Variants in CAMK1D observed in about 807,000 individuals in gnomAD.
CAMK1D encodes calcium/calmodulin dependent protein kinase ID, also known as calcium/calmodulin-dependent protein kinase type 1D.
A neutral mutation model predicts 47.7 loss-of-function variants in CAMK1D; 9 were observed. The ratio of observed to expected loss-of-function variants is 0.19; its 90% CI spans 0.11 to 0.33. The LOEUF (loss-of-function observed/expected upper bound fraction) is 0.33, where lower values mean the gene tolerates loss of function less well. Among genes scored for constraint, CAMK1D ranks in the 10% least tolerant of loss-of-function variants. CAMK1D has a pLI of 1.00. For missense variants in CAMK1D, 291 were observed against 488.7 expected (o/e 0.60, Z 3.81); for synonymous variants, 184 against 184.9 (o/e 0.99, Z 0.04).
chr10:12,774,273 G>C (rs1393551599), intron 5 of CAMK1D, among the ~76,000 whole-genome samples: 3 of 148,170 alleles, frequency 2.0e-5, no homozygotes, highest in African/African-American at 7.4e-5. Context: ...TCAGAGGGTG[G>C]TGGCAATTTT....
intron 3 of CAMK1D, among the ~76,000 whole-genome samples, chr10:12,758,591 C>T (rs533450216): frequency 2.0e-5 from 3 of 152,352 alleles, no homozygotes; most frequent in East Asian, 3.9e-4. Flanking sequence ...CACTGCATTG[C>T]TGCCCTATGG....
intron 4 of CAMK1D, among the ~76,000 whole-genome samples, chr10:12,765,172 A>G (rs1301544978): frequency 1.3e-5 from 2 of 152,150 alleles, no homozygotes; most frequent in East Asian, 3.9e-4. Flanking sequence ...CACAAAATTA[A>G]TGTCACAGTG....
intron 1 of CAMK1D, among the ~76,000 whole-genome samples, chr10:12,423,271 T>G (rs1840119370): frequency 1.3e-5 from 2 of 152,038 alleles, no homozygotes; most frequent in Admixed American, 1.3e-4. Flanking sequence ...TCCAGCACTT[T>G]GAGAGGTCAA....
At chr10:12,703,449 A>C (rs1177018806) in intron 3 of CAMK1D, among the ~76,000 whole-genome samples, 1 of 152,244 alleles carries the variant, frequency 6.6e-6, no homozygotes, top group Non-Finnish European at 1.5e-5. Flanking sequence ...CTCCTGGTGA[A>C]CTAGGTCAAC....
At chr10:12,611,773 A>G (rs982306187) in intron 2 of CAMK1D, among the ~76,000 whole-genome samples, 1 of 151,414 alleles carries the variant, frequency 6.6e-6, no homozygotes, top group African/African-American at 2.4e-5. Flanking sequence ...TTGTATTTTT[A>G]GTAGAGATAG....
At position 12,745,860 on chromosome 10, in the gene CAMK1D, C is replaced by G. The variant is rs532626983; in HGVS notation, c.300-15088C>G. On this transcript the variant is annotated intron_variant, in intron 3 of 10. Transcript: ENST00000619168. Reference sequence around the variant, plus strand: ...CTCAGCTGATCCATGCGCTTCGGCCCCCCAAAGTGCTGGGATTACAGGCAT... The same window carrying G: ...CTCAGCTGATCCATGCGCTTCGGCCGCCCAAAGTGCTGGGATTACAGGCAT... Among the ~76,000 whole-genome samples the G allele has an allele frequency of 3.3e-3, 495 of 151,972 alleles. 6 individuals carry two copies. Among genetic ancestry groups the G allele is most frequent in the African/African-American group, 0.011 (469 of 41,458 alleles).
intron 2 of CAMK1D, among the ~76,000 whole-genome samples, chr10:12,625,336 CAA>C (rs869128579): frequency 0.065 from 2,754 of 42,286 alleles, 50 homozygotes; most frequent in African/African-American, 0.15. Context: ...ACTCCATGTA[CAA>C]AAAAAAAAAA....
chr10:12,538,622 C>T (rs1836057561), intron 1 of CAMK1D, among the ~76,000 whole-genome samples: 1 of 152,100 alleles, frequency 6.6e-6, no homozygotes, highest in Admixed American at 6.6e-5. Context: ...GATGGAGTGC[C>T]AGTTCCAGGA....
intron 1 of CAMK1D, among the ~76,000 whole-genome samples, chr10:12,462,541 A>G (rs1833467316): frequency 6.6e-6 from 1 of 152,060 alleles, no homozygotes; most frequent in African/African-American, 2.4e-5. Context: ...ACCATCTAAC[A>G]GAATTGTTGT....
At chr10:12,723,079 T>C (rs904748438) in intron 3 of CAMK1D, among the ~76,000 whole-genome samples, 1 of 151,946 alleles carries the variant, frequency 6.6e-6, no homozygotes, top group Admixed American at 6.5e-5. Context: ...AAAGAAGAAA[T>C]GGACGTGAAG....
chr10:12,543,111 G>A (rs1836249780), intron 1 of CAMK1D, among the ~76,000 whole-genome samples: 2 of 152,048 alleles, frequency 1.3e-5, no homozygotes, highest in African/African-American at 4.8e-5. Context: ...GCAGTGGCAC[G>A]ATCTTGGCTC....
intron 1 of CAMK1D, among the ~76,000 whole-genome samples, chr10:12,438,240 G>C (rs2768364): frequency 0.68 from 103,314 of 151,970 alleles, 37,960 homozygotes; most frequent in Non-Finnish European, 0.83. Context: ...TGGGTCCTTC[G>C]CCTTGAGCTT....
intron 2 of CAMK1D, among the ~76,000 whole-genome samples, chr10:12,649,945 G>A (rs1839913736): frequency 6.6e-6 from 1 of 152,172 alleles, no homozygotes; most frequent in Admixed American, 6.5e-5. Context: ...CTCCAAGCAG[G>A]GTTTCCCAGG....
intron 3 of CAMK1D, among the ~76,000 whole-genome samples, chr10:12,686,727 A>G (rs891362164): frequency 1.3e-5 from 2 of 152,204 alleles, no homozygotes; most frequent in African/African-American, 4.8e-5. Flanking sequence ...GCTAGGCTTA[A>G]TTCTCAGAGG....
intron 1 of CAMK1D, among the ~76,000 whole-genome samples, chr10:12,369,698 C>G (rs1294178140): frequency 6.6e-6 from 1 of 152,120 alleles, no homozygotes; most frequent in African/African-American, 2.4e-5. Flanking sequence ...GCGGCTCACG[C>G]CTGTATTCCC....
intron 3 of CAMK1D, among the ~76,000 whole-genome samples, chr10:12,695,447 C>T (rs1380884787): frequency 6.6e-6 from 1 of 152,206 alleles, no homozygotes; most frequent in African/African-American, 2.4e-5. Flanking sequence ...TTCAGCACTA[C>T]CTACTCCCAG....
At chr10:12,360,395 A>T (rs7909493) in intron 1 of CAMK1D, among the ~76,000 whole-genome samples, 14,717 of 152,158 alleles carry the variant, frequency 0.097, 935 homozygotes, top group South Asian at 0.26. Flanking sequence ...AAATTTGTGG[A>T]TGGAGAGAAG....
In CAMK1D at chr10:12,645,824, A is replaced by G. The variant is rs544948185; in HGVS notation, c.225-20912A>G. Among the ~76,000 whole-genome samples, 4 of 152,372 alleles carry G rather than the reference A, an allele frequency of 2.6e-5. No homozygotes were observed. The East Asian group carries it at 5.8e-4, about 22-fold the overall frequency. On this transcript the variant is annotated intron_variant, in intron 2 of 10. Transcript: ENST00000619168. The stretch of plus-strand genomic sequence containing the variant: ...GTATTTAAAAAATAGCTTAGCAGCA[A>G]TGCATCTAAAAATGCTGCCTGTGAG...
chr10:12,753,292 A>C (rs1836073091), intron 3 of CAMK1D, among the ~76,000 whole-genome samples: 1 of 152,218 alleles, frequency 6.6e-6, no homozygotes, highest in Non-Finnish European at 1.5e-5. Context: ...CTAATTACAA[A>C]ATATTTTCAA....
Sources: gnomAD v4.1 joint callset for allele counts (sites outside exome capture counted in the v4.1 genomes callset) on GRCh38, gnomAD v4.1.1 for gene constraint, MANE v1.5 for transcripts, NCBI Gene and HGNC (gene_info 2026-07-23, HGNC 2026-07-21) for gene names.